Variants in ARMC2 observed in about 807,000 individuals in gnomAD.
ARMC2 encodes the protein armadillo repeat containing 2, also known as armadillo repeat-containing protein 2.
In ARMC2, 67 loss-of-function variants were observed where a neutral mutation model predicts 90.3. That is an observed-to-expected ratio of 0.74 (90% CI 0.61 to 0.91). The LOEUF (loss-of-function observed/expected upper bound fraction) is 0.91. Among genes scored for constraint, ARMC2 ranks in the 40% least tolerant of loss-of-function variants. The probability of loss-of-function intolerance (pLI) is 0.00; values close to 1 mark genes in which losing one functional copy is unlikely to be tolerated. For synonymous variants in ARMC2, 393 were observed against 393.0 expected (o/e 1.00, Z 0.00); for missense variants, 920 against 1,030.9 (o/e 0.89, Z 1.47).
At chr6:108,951,742 C>T (rs1193963843) in intron 12 of ARMC2, among the ~76,000 whole-genome samples, 1 of 152,246 alleles carries the variant, frequency 6.6e-6, no homozygotes, top group Non-Finnish European at 1.5e-5. Flanking sequence ...TGGACATGCG[C>T]TCCTCGATGA....
At chr6:108,948,227 G>A (rs1410451570) in intron 12 of ARMC2, among the ~76,000 whole-genome samples, 2 of 152,136 alleles carry the variant, frequency 1.3e-5, no homozygotes, top group Non-Finnish European at 2.9e-5. Context: ...TGGAGTGCAC[G>A]GTTTGGGAGC....
the ARMC2 span, among the ~76,000 whole-genome samples, chr6:108,991,058 T>G: frequency 5.4e-5 from 8 of 147,546 alleles, no homozygotes; most frequent in African/African-American, 1.8e-4. Context: ...AAACTAATAG[T>G]CTCATCTCAA....
intron 13 of ARMC2, among the ~76,000 whole-genome samples, chr6:108,954,953 A>G (rs1007650285): frequency 6.6e-6 from 1 of 152,202 alleles, no homozygotes; most frequent in African/African-American, 2.4e-5. Flanking sequence ...GGTCTGGTGC[A>G]GGCTCCCCTT....
the ARMC2 span, among the ~76,000 whole-genome samples, chr6:108,980,262 G>A: frequency 6.6e-6 from 1 of 152,110 alleles, no homozygotes; most frequent in South Asian, 2.1e-4. Context: ...CTGCAGTTCT[G>A]CTGAAGTTTG....
chr6:109,035,009 T>C, the ARMC2 span, among the ~76,000 whole-genome samples: 1 of 152,240 alleles, frequency 6.6e-6, no homozygotes, highest in African/African-American at 2.4e-5. Flanking sequence ...AATTTCAATT[T>C]CACTTATTTT....
chr6:108,929,033 C>T (rs1217198438), intron 11 of ARMC2, among the ~76,000 whole-genome samples: 9 of 152,000 alleles, frequency 5.9e-5, no homozygotes, highest in Admixed American at 5.9e-4. Context: ...AGGTTTGTTA[C>T]GTGGGTAAAT....
At chr6:108,960,511 A>T (rs1236405365) in intron 13 of ARMC2, among the ~76,000 whole-genome samples, 3 of 152,236 alleles carry the variant, frequency 2.0e-5, no homozygotes, top group African/African-American at 4.8e-5. Context: ...CTGTTCTAGA[A>T]GCTGGGAATG....
chr6:108,861,717 C>T (rs995485712), intron 3 of ARMC2, among the ~76,000 whole-genome samples: 1 of 152,174 alleles, frequency 6.6e-6, no homozygotes. Flanking sequence ...GGTTTTGAGC[C>T]AGCTACAGCC....
At chr6:109,011,229 C>G in the ARMC2 span, among the ~76,000 whole-genome samples, 1 of 152,198 alleles carries the variant, frequency 6.6e-6, no homozygotes, top group African/African-American at 2.4e-5. Flanking sequence ...AAACTGCTAA[C>G]TGCATGCATA....
chr6:108,967,111 C>T (rs1778426233), intron 17 of ARMC2, among the ~76,000 whole-genome samples: 1 of 152,186 alleles, frequency 6.6e-6, no homozygotes, highest in Admixed American at 6.5e-5. Context: ...AAAGAATTCT[C>T]TCCCCACTTA....
intron 13 of ARMC2, among the ~76,000 whole-genome samples, chr6:108,955,298 G>A (rs1314480955): frequency 6.6e-6 from 1 of 152,220 alleles, no homozygotes; most frequent in East Asian, 1.9e-4. Flanking sequence ...TTTCTGAGAA[G>A]GGCAGAAGCT....
intron 11 of ARMC2, among the ~76,000 whole-genome samples, chr6:108,935,695 G>A (rs1038443797): frequency 1.3e-5 from 2 of 151,912 alleles, no homozygotes; most frequent in Non-Finnish European, 2.9e-5. Flanking sequence ...CTCCTGCCTC[G>A]GCCTCCCAAA....
the ARMC2 span, among the ~76,000 whole-genome samples, chr6:109,037,963 A>G: frequency 1.3e-5 from 2 of 152,230 alleles, no homozygotes; most frequent in African/African-American, 4.8e-5. Context: ...CCTGAAAAAT[A>G]GAAAAATCAT....
chr6:108,970,194 C>T (rs1219721222), intron 17 of ARMC2, among the ~76,000 whole-genome samples: 1 of 152,154 alleles, frequency 6.6e-6, no homozygotes, highest in Non-Finnish European at 1.5e-5. Flanking sequence ...TTTCTCTTAC[C>T]TGTAGCTGTT....
chr6:108,891,381 A>T (rs939765638), intron 5 of ARMC2, among the ~76,000 whole-genome samples: 2 of 152,216 alleles, frequency 1.3e-5, no homozygotes, highest in Non-Finnish European at 2.9e-5. Context: ...GTGTAAAAGC[A>T]TTCCTATTTC....
the ARMC2 span, among the ~76,000 whole-genome samples, chr6:108,992,305 A>T: frequency 6.6e-6 from 1 of 151,936 alleles, no homozygotes; most frequent in Non-Finnish European, 1.5e-5. Context: ...TTGTGGAGAC[A>T]GGGTTTCCCC....
intron 16 of ARMC2, 30 bp downstream of exon 16, chr6:108,964,342 T>C: frequency 6.2e-7 from 1 of 1,603,356 alleles, no homozygotes; most frequent in South Asian, 1.1e-5. Context: ...GTACTGACTC[T>C]CTCAGGATTT....
At chr6:109,019,932 AC>A in the ARMC2 span, among the ~76,000 whole-genome samples, 53 of 152,366 alleles carry the variant, frequency 3.5e-4, no homozygotes, top group African/African-American at 1.2e-3. Flanking sequence ...AATATTGCAC[AC>A]TAAATTTATA....
At chr6:108,890,189 CAAAAAAAAAAAAAAAAAAAAA>C (rs869186045) in intron 5 of ARMC2, among the ~76,000 whole-genome samples, 29 of 64,248 alleles carry the variant, frequency 4.5e-4, no homozygotes, top group African/African-American at 1.7e-3. Context: ...GACTCCGTCT[CAAAAAAAAAAAAAAAAAAAAA>C]AAAAAAAAAA....
Sources: gnomAD v4.1 joint callset for allele counts (sites outside exome capture counted in the v4.1 genomes callset) on GRCh38, gnomAD v4.1.1 for gene constraint, MANE v1.5 for transcripts, NCBI Gene and HGNC (gene_info 2026-07-23, HGNC 2026-07-21) for gene names.